Variants in ATP7B observed in about 807,000 individuals in gnomAD.
The protein encoded by ATP7B is copper-transporting ATPase 2.
A neutral mutation model predicts 118.9 loss-of-function variants in ATP7B; 113 were observed. That is an observed-to-expected ratio of 0.95 (90% CI 0.82 to 1.11). ATP7B has a LOEUF of 1.11. ATP7B is among the 50% of genes most tolerant of loss of function. The pLI, the probability that ATP7B is intolerant of heterozygous loss-of-function variation, is 0.00. For synonymous variants in ATP7B, 777 were observed against 727.4 expected, an observed-to-expected ratio of 1.07 and a Z score of -1.10; for missense variants, 1,867 against 1,871.4, an observed-to-expected ratio of 1.00 and a Z score of 0.04.
At chr13:52,008,058 A>C (rs1953857771) in intron 1 of ATP7B, among the ~76,000 whole-genome samples, 1 of 151,816 alleles carries the variant, frequency 6.6e-6, no homozygotes, top group African/African-American at 2.4e-5. Flanking sequence ...AAAAAAAAAA[A>C]GGCCAGGCAC....
At chr13:51,953,367 C>T (rs997788221) in intron 9 of ATP7B, among the ~76,000 whole-genome samples, 1 of 152,208 alleles carries the variant, frequency 6.6e-6, no homozygotes, top group Non-Finnish European at 1.5e-5. Context: ...CCTCCTCCAG[C>T]AGAACCTAAT....
intron 1 of ATP7B, among the ~76,000 whole-genome samples, chr13:51,984,315 A>G (rs1566629921): frequency 6.6e-6 from 1 of 152,182 alleles, no homozygotes; most frequent in Non-Finnish European, 1.5e-5. Context: ...AAAGAATATC[A>G]GCGACTGAAG....
chr13:51,992,096 TTGTACAGAA>T (rs1952944939), intron 1 of ATP7B, among the ~76,000 whole-genome samples: 1 of 151,588 alleles, frequency 6.6e-6, no homozygotes, highest in South Asian at 2.1e-4. Flanking sequence ...TCATTCTACA[TTGTACAGAA>T]TGTACTCTGC....
intron 2 of ATP7B, among the ~76,000 whole-genome samples, chr13:51,972,605 C>T (rs1404297475): frequency 6.6e-6 from 1 of 152,196 alleles, no homozygotes; most frequent in Non-Finnish European, 1.5e-5. Flanking sequence ...CTCTTTCTCA[C>T]CCGGCCTCCT....
At chr13:51,935,849 C>T (rs186157250) in intron 19 of ATP7B, among the ~76,000 whole-genome samples, 154 bp from the exon 20 acceptor site, 2 of 152,146 alleles carry the variant, frequency 1.3e-5, no homozygotes, top group Non-Finnish European at 2.9e-5. Context: ...GCCCACAGGC[C>T]CCCCCCAAAG....
chr13:51,934,106 C>T lies in ATP7B; in HGVS notation c.*650G>A, dbSNP rs1326266407. The T allele has an allele frequency of 6.4e-6, 1 of 155,204 alleles. No homozygotes were observed. Among genetic ancestry groups the T allele is most frequent in the Non-Finnish European group, 1.4e-5 (1 of 69,806 alleles). 9.6% of individuals were successfully genotyped at this position (155,204 alleles called of 1,614,324 possible). A position where few individuals can be genotyped will look rare whatever the true frequency, so the allele number is the denominator to read the frequency against. On this transcript the variant is annotated 3_prime_UTR_variant, in exon 21 of 21. Transcript: ENST00000242839. The stretch of plus-strand genomic sequence containing the variant: ...GGAAGCAGGTTCAAGCTGAAATGCA[C>T]ACTCCAGAGCATTGGAGAAGCGCCT...
chr13:51,953,366 G>C (rs1958128550), intron 9 of ATP7B, among the ~76,000 whole-genome samples: 1 of 152,176 alleles, frequency 6.6e-6, no homozygotes, highest in African/African-American at 2.4e-5. Flanking sequence ...CCCTCCTCCA[G>C]CAGAACCTAA....
rs778543794 is a variant in ATP7B at position 51,944,197 on chromosome 13, G to A, written c.3155C>T (p.Pro1052Leu). ...CACCACAGCCAGAACCTTCCTGAGGGGCAGTGTGGCCACATCCCCCAGCAG... is the reference window on the plus strand; with the variant it reads ...CACCACAGCCAGAACCTTCCTGAGGAGCAGTGTGGCCACATCCCCCAGCAG... ...VLLLGDVATL[P>L]LRKVLAVVGT... The change falls in exon 14 of 21, where the codon CCC becomes CTC. Residue 1052 changes from proline (P) to leucine (L), a missense_variant. Coordinates refer to ENST00000242839, the MANE Select transcript of ATP7B (RefSeq NM_000053.4). The A allele has an allele frequency of 3.1e-6, 5 of 1,614,162 alleles. No homozygotes were observed. Among genetic ancestry groups the A allele is most frequent in the South Asian group, 1.1e-5 (1 of 91,088 alleles).
At chr13:51,968,636 C>T (rs367843431) in intron 3 of ATP7B, 29 bp from the exon 4 acceptor site, 59 of 1,613,376 alleles carry the variant, frequency 3.7e-5, no homozygotes, top group Non-Finnish European at 4.7e-5. Context: ...GGCTGTAACA[C>T]TCTGGGTGGG....
rs377294197 is a variant in ATP7B at position 51,974,227 on chromosome 13, G to C, written c.993C>G (p.Ala331=). The change falls in exon 2 of 21, where the codon GCC becomes GCG. Residue 331 remains alanine, a synonymous_variant. Transcript: ENST00000242839. ...ACCTGTGATCTGTCCCACTCCCTTCGGCTCCATCAGGAAGAGAAACTTTAA... is the reference window on the plus strand; with the variant it reads ...ACCTGTGATCTGTCCCACTCCCTTCCGCTCCATCAGGAAGAGAAACTTTAA... ...GNFKVSLPDG[A]EGSGTDHRSS... 6.2e-7 allele frequency: 1 copy of C among 1,613,990 alleles called. No homozygotes were observed. Among genetic ancestry groups the C allele is most frequent in the Non-Finnish European group, 8.5e-7 (1 of 1,180,014 alleles).
intron 5 of ATP7B, among the ~76,000 whole-genome samples, chr13:51,963,847 T>C (rs1004359098): frequency 6.7e-6 from 1 of 150,318 alleles, no homozygotes; most frequent in African/African-American, 2.5e-5. Flanking sequence ...GTGTCAGGAG[T>C]TTGAGACCGG....
Position 52,011,288 on chromosome 13 carries a change from T to A in ATP7B, c.50A>T (p.Lys17Ile), listed in dbSNP as rs1193792042. 1.9e-6 allele frequency: 3 copies of A among 1,614,052 alleles called. No individual in the cohort carries two copies. The African/African-American group carries it at 4.0e-5, about 22-fold the overall frequency. ...QITAREGASR[K>I]ILSKLSLPTR... ...CGGACGCGGGGGAACAAAACTCACT[T>A]TCCGACTGGCCCCTTCTCTGGCTGT... The change falls in exon 1 of 21, where the codon AAA becomes ATA. Residue 17 changes from lysine (K) to isoleucine (I), a missense_variant and splice_region_variant. Coordinates refer to ENST00000242839, the MANE Select transcript of ATP7B (RefSeq NM_000053.4).
intron 9 of ATP7B, among the ~76,000 whole-genome samples, chr13:51,950,968 G>A (rs1957966080): frequency 6.6e-6 from 1 of 152,130 alleles, no homozygotes; most frequent in Non-Finnish European, 1.5e-5. Context: ...AGAGAAGCAG[G>A]CAGAGTCCAG....
intron 5 of ATP7B, 136 bp downstream of exon 5, chr13:51,964,736 A>C (rs1958973959): frequency 5.7e-6 from 6 of 1,060,764 alleles, no homozygotes; most frequent in Non-Finnish European, 8.1e-6. Context: ...AAAATGACTG[A>C]GCTTATTTCC....
chr13:52,004,104 T>A (rs1815310), intron 1 of ATP7B, among the ~76,000 whole-genome samples: 77,363 of 151,534 alleles, frequency 0.51, 20,304 homozygotes, highest in Non-Finnish European at 0.58. Context: ...CTAAAAAAAA[T>A]TACAAAAATT....
rs867107727 is a variant in ATP7B at position 51,941,147 on chromosome 13, C to T, written c.3490G>A (p.Asp1164Asn). ...LRRNGLTISS[D>N]VSDAMTDHEM... ...TGGTCTGTCATAGCGTCACTGACAT[C>T]GCTAGAAATGGTTAAACCGTTGCGC... Residue 1164 changes from aspartate (D) to asparagine (N), a missense_variant, in exon 16 of 21, where the codon GAT becomes AAT. Transcript: ENST00000242839. The T allele has an allele frequency of 1.9e-5, 31 of 1,614,012 alleles. No homozygotes were observed. Among genetic ancestry groups the T allele is most frequent in the Non-Finnish European group, 2.4e-5 (28 of 1,180,046 alleles).
intron 9 of ATP7B, among the ~76,000 whole-genome samples, chr13:51,955,310 C>T (rs1958266478): frequency 6.6e-6 from 1 of 152,188 alleles, no homozygotes; most frequent in African/African-American, 2.4e-5. Flanking sequence ...CTGCGGCAAT[C>T]CAGGCGGCAG....
chr13:52,010,968 G>C (rs1953999538), intron 1 of ATP7B, among the ~76,000 whole-genome samples: 1 of 152,206 alleles, frequency 6.6e-6, no homozygotes, highest in Non-Finnish European at 1.5e-5. Context: ...AACTTCTCCA[G>C]GTAACTAACT....
Position 51,934,510 on chromosome 13 carries a change from A to T in ATP7B, c.*246T>A. The T allele has an allele frequency of 1.7e-6, 1 of 581,806 alleles. No homozygotes were observed. Among genetic ancestry groups the T allele is most frequent in the Non-Finnish European group, 3.1e-6 (1 of 327,804 alleles). 36.0% of individuals were successfully genotyped at this position (581,806 alleles called of 1,614,324 possible). A position where few individuals can be genotyped will look rare whatever the true frequency, so the allele number is the denominator to read the frequency against. ...CTTCTACAGTCCAGCCAAGGACTAG[A>T]GTCCAAGACAAAGCCCATGCTGACG... On this transcript the variant is annotated 3_prime_UTR_variant, in exon 21 of 21. Coordinates refer to ENST00000242839, the MANE Select transcript of ATP7B (RefSeq NM_000053.4).
Sources: gnomAD v4.1 joint callset for allele counts (sites outside exome capture counted in the v4.1 genomes callset) on GRCh38, gnomAD v4.1.1 for gene constraint, MANE v1.5 for transcripts, NCBI Gene and HGNC (gene_info 2026-07-23, HGNC 2026-07-21) for gene names.